The following GAP43 variants were observed in gnomAD, a reference collection of about 807,000 sequenced individuals.
GAP43 encodes the protein growth associated protein 43, also known as neuromodulin.
GAP43 carries 6 observed loss-of-function variants against 18.6 expected under a neutral mutation model. The ratio of observed to expected loss-of-function variants is 0.32; its 90% CI spans 0.18 to 0.64. The LOEUF (loss-of-function observed/expected upper bound fraction) is 0.64, where lower values mean the gene tolerates loss of function less well. Among genes scored for constraint, GAP43 ranks in the 30% least tolerant of loss-of-function variants. The probability of loss-of-function intolerance (pLI) is 0.78; values close to 1 mark genes in which losing one functional copy is unlikely to be tolerated. For synonymous variants in GAP43, 115 were observed against 111.4 expected (o/e 1.03, Z -0.20); for missense variants, 292 against 295.5 (o/e 0.99, Z 0.09).
intron 2 of GAP43, among the ~76,000 whole-genome samples, chr3:115,682,844 T>A (rs1351536235): frequency 6.6e-6 from 1 of 152,144 alleles, no homozygotes; most frequent in Non-Finnish European, 1.5e-5. Context: ...TATTAACTCT[T>A]TAGTTAAAAA....
chr3:115,686,812 T>C (rs1304376415), intron 2 of GAP43, among the ~76,000 whole-genome samples: 1 of 152,200 alleles, frequency 6.6e-6, no homozygotes, highest in African/African-American at 2.4e-5. Flanking sequence ...AGGGTTCAGA[T>C]TGATTTGCAA....
chr3:115,640,886 TTC>T (rs1231528332), intron 1 of GAP43, among the ~76,000 whole-genome samples: 11 of 151,506 alleles, frequency 7.3e-5, no homozygotes, highest in Non-Finnish European at 1.5e-4. Flanking sequence ...CCACGTGAAA[TTC>T]TCTTTCTTTC....
rs190999659 is a variant in GAP43 at position 115,624,853 on chromosome 3, G to T, written c.30+1134G>T. 2.0e-5 allele frequency among the ~76,000 whole-genome samples: 3 copies of T among 151,756 alleles called. No homozygotes were observed. The East Asian group carries it at 5.8e-4, about 30-fold the overall frequency. ...TTTGGCAAAGGTTAAAGAGAAAAAT[G>T]GGTGTGGGATACGGGTGAGTGTGTG... On this transcript the variant is annotated intron_variant, in intron 1 of 2. Transcript: ENST00000305124.
At chr3:115,652,356 CTTTTTT>C (rs71141831) in intron 1 of GAP43, among the ~76,000 whole-genome samples, 1 of 43,766 alleles carries the variant, frequency 2.3e-5, no homozygotes, top group Non-Finnish European at 4.1e-5. Flanking sequence ...ATCCAGCATT[CTTTTTT>C]TTTTTTTTTT....
Position 115,672,757 on chromosome 3 carries a change from T to TCCTCC in GAP43, c.31-3252_31-3251insCCCTC, listed in dbSNP as rs879683512. ...CCCTCTCCTCTCCTCTCCTCTCCTCTCCTCTCCTCTCCTTTCCTTTCCTTT... is the reference window on the plus strand; with the variant it reads ...CCCTCTCCTCTCCTCTCCTCTCCTCTCCTCCCCTCTCCTCTCCTTTCCTTTCCTTT... On this transcript the variant is annotated intron_variant, in intron 1 of 2. Transcript: ENST00000305124. 8.3e-4 allele frequency among the ~76,000 whole-genome samples: 124 copies of TCCTCC among 149,870 alleles called. 1 individual carries two copies. Among genetic ancestry groups the TCCTCC allele is most frequent in the Middle Eastern group, 3.4e-3 (1 of 294 alleles).
At chr3:115,668,103 T>C (rs1411020257) in intron 1 of GAP43, among the ~76,000 whole-genome samples, 1 of 152,216 alleles carries the variant, frequency 6.6e-6, no homozygotes, top group Non-Finnish European at 1.5e-5. Flanking sequence ...GGTATTTTCC[T>C]GAGTCTCAGT....
At chr3:115,670,286 G>A (rs142202077) in intron 1 of GAP43, among the ~76,000 whole-genome samples, 3,904 of 148,362 alleles carry the variant, frequency 0.026, 75 homozygotes, top group Non-Finnish European at 0.041. Flanking sequence ...TGAGAATGAT[G>A]GTTTCCAATT....
At chr3:115,624,366 A>G (rs1837205) in intron 1 of GAP43, among the ~76,000 whole-genome samples, 106,503 of 151,440 alleles carry the variant, frequency 0.7, 37,580 homozygotes, top group East Asian at 0.84. Flanking sequence ...ATGCAGAAGG[A>G]GAAAATCCCC....
At chr3:115,654,447 C>T (rs1055373833) in intron 1 of GAP43, among the ~76,000 whole-genome samples, 1 of 152,180 alleles carries the variant, frequency 6.6e-6, no homozygotes, top group African/African-American at 2.4e-5. Flanking sequence ...CCCAATGCTA[C>T]TTCAGCTCAC....
chr3:115,644,692 G>T lies in GAP43; in HGVS notation c.30+20973G>T, dbSNP rs1708436794. The stretch of plus-strand genomic sequence containing the variant: ...TCTCAGCATCAGTGATTTATAAATA[G>T]AGAAATTTTTAAAAATGAATCTCTG... On this transcript the variant is annotated intron_variant, in intron 1 of 2. Transcript: ENST00000305124. This position sits in a 1 kb window ranked among gnomAD's most constrained non-coding sequence, Gnocchi z 4.2. Among the ~76,000 whole-genome samples the T allele has an allele frequency of 6.6e-6, 1 of 152,024 alleles. No homozygotes were observed. The highest frequency in any genetic ancestry group is 6.6e-5 in the Admixed American group (1 of 15,238).
intron 1 of GAP43, among the ~76,000 whole-genome samples, chr3:115,636,036 T>C (rs748014040): frequency 6.6e-6 from 1 of 152,120 alleles, no homozygotes; most frequent in Non-Finnish European, 1.5e-5. Context: ...TTACTTTTGC[T>C]CAACCTGGAT....
At chr3:115,690,046 G>T (rs1438052367) in intron 2 of GAP43, among the ~76,000 whole-genome samples, 1 of 152,224 alleles carries the variant, frequency 6.6e-6, no homozygotes, top group Non-Finnish European at 1.5e-5. Context: ...CATGGCCAAG[G>T]CCAATTTACC....
chr3:115,676,242 C>T lies in GAP43; in HGVS notation c.260C>T (p.Thr87Ile), dbSNP rs1471665026. 1.2e-6 allele frequency: 2 copies of T among 1,614,192 alleles called. No homozygotes were observed. Among genetic ancestry groups the T allele is most frequent in the South Asian group, 1.1e-5 (1 of 91,084 alleles). ...GAGAAGAAGGGAGAAGGCACCACTA[C>T]TGCCGAAGCAGCCCCAGCCACTGGC... ...GVEKKGEGTT[T>I]AEAAPATGSK... is the part of the protein sequence containing the mutation. Residue 87 changes from threonine to isoleucine, a missense_variant, in exon 2 of 3, where the codon ACT (threonine) becomes ATT (isoleucine). Transcript: ENST00000305124.
chr3:115,653,421 G>A (rs563206464), intron 1 of GAP43, among the ~76,000 whole-genome samples: 1 of 152,184 alleles, frequency 6.6e-6, no homozygotes, highest in South Asian at 2.1e-4. Context: ...CAGCCTGGGC[G>A]ACAGAGTGAG....
chr3:115,704,508 A>G (rs762700063), intron 2 of GAP43, among the ~76,000 whole-genome samples: 2 of 152,160 alleles, frequency 1.3e-5, no homozygotes, highest in Non-Finnish European at 2.9e-5. Context: ...ATAACATGTT[A>G]GAATTTGATA....
chr3:115,699,687 T>C lies in GAP43; in HGVS notation c.629-21107T>C, dbSNP rs570402658. On this transcript the variant is annotated intron_variant, in intron 2 of 2. Transcript: ENST00000305124. The stretch of plus-strand genomic sequence containing the variant: ...CCAACTTGCTGTCTTGTCATATCAG[T>C]GCAGTGAGAAGACAACCGAGGTGAC... Among the ~76,000 whole-genome samples, 7 of 152,324 alleles carry C rather than the reference T, an allele frequency of 4.6e-5. No individual in the cohort carries two copies. The East Asian group carries it at 1.4e-3, about 29-fold the overall frequency.
At chr3:115,698,205 T>TTATCTAAAA (rs1709239978) in intron 2 of GAP43, among the ~76,000 whole-genome samples, 1 of 5,476 alleles carries the variant, frequency 1.8e-4, no homozygotes, top group Non-Finnish European at 7.8e-4. Context: ...ATATTATATA[T>TTATCTAAAA]TATATAAAAT....
At chr3:115,714,558 A>G (rs1709477659) in intron 2 of GAP43, among the ~76,000 whole-genome samples, 1 of 152,200 alleles carries the variant, frequency 6.6e-6, no homozygotes, top group Non-Finnish European at 1.5e-5. Context: ...AGCCTCTCAT[A>G]TAAATAAGGT....
chr3:115,717,159 G>C (rs73858066), intron 2 of GAP43, among the ~76,000 whole-genome samples: 3,246 of 152,110 alleles, frequency 0.021, 108 homozygotes, highest in African/African-American at 0.074. Flanking sequence ...TATTTACTGA[G>C]GTTCTTTCCT....
Sources: allele counts gnomAD v4.1 joint callset (sites outside exome capture counted in the v4.1 genomes callset), GRCh38; gene constraint gnomAD v4.1.1; non-coding constraint Gnocchi (gnomAD v3.1); transcripts MANE v1.5; gene names NCBI Gene and HGNC (gene_info 2026-07-23, HGNC 2026-07-21).